Variants in LPP observed in about 807,000 individuals in gnomAD.
LPP encodes LIM domain containing preferred translocation partner in lipoma, also known as lipoma-preferred partner.
LPP carries 38 observed loss-of-function variants against 60.4 expected under a neutral mutation model. The ratio of observed to expected loss-of-function variants is 0.63; its 90% CI spans 0.49 to 0.83. The LOEUF is 0.83. Ranked by LOEUF, LPP falls within the 40% of genes least tolerant of loss-of-function variation. The probability of loss-of-function intolerance (pLI) is 0.00; values close to 1 mark genes in which losing one functional copy is unlikely to be tolerated. For missense variants in LPP, 902 were observed against 783.6 expected (o/e 1.15, Z -1.80); for synonymous variants, 328 against 290.8 (o/e 1.13, Z -1.30).
chr3:188,785,955 G>A (rs1223534557), intron 9 of LPP, among the ~76,000 whole-genome samples: 1 of 152,010 alleles, frequency 6.6e-6, no homozygotes, highest in African/African-American at 2.4e-5. Flanking sequence ...GATATCATCA[G>A]TATGCTGACA....
intron 3 of LPP, among the ~76,000 whole-genome samples, chr3:188,355,001 TTTTG>T (rs1296319758): frequency 1.3e-5 from 2 of 152,036 alleles, no homozygotes; most frequent in African/African-American, 2.4e-5. Flanking sequence ...ATATATATAT[TTTTG>T]TTTGTTTTTT....
chr3:188,574,018 A>C (rs536335500), intron 6 of LPP, among the ~76,000 whole-genome samples: 1 of 152,214 alleles, frequency 6.6e-6, no homozygotes, highest in East Asian at 1.9e-4. Flanking sequence ...CTTGCCTGCT[A>C]TTGAGGTAGT....
chr3:188,177,926 G>A (rs1380779179), intron 1 of LPP, among the ~76,000 whole-genome samples: 2 of 152,204 alleles, frequency 1.3e-5, no homozygotes, highest in African/African-American at 4.8e-5. Flanking sequence ...GTGCATAAGT[G>A]TGTCATGTTC....
At chr3:188,747,583 A>T (rs966391731) in intron 8 of LPP, among the ~76,000 whole-genome samples, 1 of 152,218 alleles carries the variant, frequency 6.6e-6, no homozygotes, top group Admixed American at 6.5e-5. Context: ...CATTCTGGTA[A>T]GTGATAGCAG....
intron 6 of LPP, among the ~76,000 whole-genome samples, chr3:188,587,641 T>C (rs1022617439): frequency 6.6e-6 from 1 of 152,186 alleles, no homozygotes; most frequent in African/African-American, 2.4e-5. Context: ...CAGCCTTTCG[T>C]AAAGTGGTTA....
At chr3:188,262,131 C>T (rs1454759245) in intron 2 of LPP, among the ~76,000 whole-genome samples, 1 of 152,092 alleles carries the variant, frequency 6.6e-6, no homozygotes, top group African/African-American at 2.4e-5. Flanking sequence ...ATCTAGAAGC[C>T]AGGGTATATA....
chr3:188,462,725 T>A (rs1041912926), intron 4 of LPP, among the ~76,000 whole-genome samples: 3 of 151,480 alleles, frequency 2.0e-5, no homozygotes, highest in African/African-American at 7.3e-5. Context: ...ATTCAAGTTG[T>A]AATCAAACTG....
intron 4 of LPP, among the ~76,000 whole-genome samples, chr3:188,436,933 A>G (rs1043057809): frequency 1.3e-5 from 2 of 151,994 alleles, no homozygotes; most frequent in African/African-American, 4.8e-5. Context: ...GTAGGACATG[A>G]GGTGCACAGA....
chr3:188,549,702 C>T (rs946960126), intron 6 of LPP, among the ~76,000 whole-genome samples: 3 of 152,294 alleles, frequency 2.0e-5, no homozygotes, highest in African/African-American at 7.2e-5. Context: ...GACTGAGTAG[C>T]ACAGAGGTCT....
intron 7 of LPP, among the ~76,000 whole-genome samples, chr3:188,657,226 G>C (rs6444314): frequency 0.99 from 135,619 of 137,526 alleles, 66,898 homozygotes; most frequent in East Asian, 1. Flanking sequence ...TAATACTGTA[G>C]TGATGTATAA....
chr3:188,492,435 C>T (rs1808653191), intron 5 of LPP, among the ~76,000 whole-genome samples: 1 of 152,082 alleles, frequency 6.6e-6, no homozygotes, highest in African/African-American at 2.4e-5. Context: ...TGGCTCACAC[C>T]TGTAATACCA....
At chr3:188,855,176 A>C (rs189141735) in intron 9 of LPP, among the ~76,000 whole-genome samples, 21 of 152,326 alleles carry the variant, frequency 1.4e-4, no homozygotes, top group African/African-American at 5.1e-4. Flanking sequence ...AATATGTAGC[A>C]CTATTTTTTC....
chr3:188,779,004 A>G (rs922218177), intron 9 of LPP, among the ~76,000 whole-genome samples: 1 of 152,148 alleles, frequency 6.6e-6, no homozygotes, highest in Non-Finnish European at 1.5e-5. Flanking sequence ...AATTTATGGA[A>G]AGTGCTGTCA....
At chr3:188,390,112 T>C (rs1345664453) in intron 3 of LPP, among the ~76,000 whole-genome samples, 1 of 152,200 alleles carries the variant, frequency 6.6e-6, no homozygotes, top group African/African-American at 2.4e-5. Flanking sequence ...GTCATTTTCT[T>C]GGAGCTGTGT....
At chr3:188,320,332 A>C (rs1756553853) in intron 2 of LPP, among the ~76,000 whole-genome samples, 1 of 152,202 alleles carries the variant, frequency 6.6e-6, no homozygotes, top group Non-Finnish European at 1.5e-5. Flanking sequence ...GTTCAATTAG[A>C]AAATTTGGTT....
intron 4 of LPP, among the ~76,000 whole-genome samples, chr3:188,460,591 C>T (rs550474269): frequency 1.5e-4 from 23 of 152,046 alleles, no homozygotes; most frequent in Non-Finnish European, 2.5e-4. Context: ...TGTGTTATTA[C>T]TTTTAAAACA....
chr3:188,233,863 A>C (rs1205997946), intron 2 of LPP, among the ~76,000 whole-genome samples: 1 of 151,788 alleles, frequency 6.6e-6, no homozygotes, highest in Non-Finnish European at 1.5e-5. Flanking sequence ...CCCAATCCCC[A>C]CTGCCACCCT....
chr3:188,665,800 G>A (rs894039197), intron 7 of LPP, among the ~76,000 whole-genome samples: 1 of 152,136 alleles, frequency 6.6e-6, no homozygotes, highest in Non-Finnish European at 1.5e-5. Flanking sequence ...AGTTTTAAAA[G>A]CACATGTCTT....
rs1002643931 is a variant in LPP at position 188,882,864 on chromosome 3, G to A, written c.*8385G>A. 2.2e-5 allele frequency: 4 copies of A among 181,082 alleles called. No homozygotes were observed. The highest frequency in any genetic ancestry group is 6.3e-5 in the Admixed American group (1 of 15,916). The allele number at this position is 181,082 out of a possible 1,614,324, so 11.2% of individuals were successfully genotyped here. ...CGCCATTCTCCTGCCTCAGCCTCCC[G>A]AGTAGCTGGGACTACAGACGCCCGC... is the stretch of plus-strand genomic sequence containing the variant. On this transcript the variant is annotated 3_prime_UTR_variant, in exon 12 of 12. Transcript: ENST00000617246.
Sources: allele counts gnomAD v4.1 joint callset (sites outside exome capture counted in the v4.1 genomes callset), GRCh38; gene constraint gnomAD v4.1.1; transcripts MANE v1.5; gene names NCBI Gene and HGNC (gene_info 2026-07-23, HGNC 2026-07-21).